The following PIEZO2 variants were observed in gnomAD, a reference collection of about 807,000 sequenced individuals.
PIEZO2 encodes piezo type mechanosensitive ion channel component 2, also known as piezo-type mechanosensitive ion channel component 2.
In PIEZO2, 172 loss-of-function variants were observed where a neutral mutation model predicts 337.3. That is an observed-to-expected ratio of 0.51 (90% CI 0.45 to 0.58). The LOEUF is 0.58. Among genes scored for constraint, PIEZO2 ranks in the 20% least tolerant of loss-of-function variants. The probability of loss-of-function intolerance (pLI) is 0.00; values close to 1 mark genes in which losing one functional copy is unlikely to be tolerated. For synonymous variants in PIEZO2, 1,251 were observed against 1,228.5 expected (o/e 1.02, Z -0.38); for missense variants, 3,028 against 3,391.3 (o/e 0.89, Z 2.66).
At chr18:10,883,220 A>G (rs912918326) in intron 4 of PIEZO2, among the ~76,000 whole-genome samples, 2 of 152,174 alleles carry the variant, frequency 1.3e-5, no homozygotes, top group South Asian at 2.1e-4. Context: ...TAGTGCTGAA[A>G]TAAACAAGGG....
intron 4 of PIEZO2, among the ~76,000 whole-genome samples, chr18:10,889,282 T>C (rs1039801613): frequency 1.3e-5 from 2 of 152,184 alleles, no homozygotes; most frequent in East Asian, 1.9e-4. Context: ...ATGTTCAAGA[T>C]AAGGAAAATA....
chr18:11,147,337 G>A (rs1360897274), intron 1 of PIEZO2, among the ~76,000 whole-genome samples: 2 of 152,140 alleles, frequency 1.3e-5, no homozygotes, highest in African/African-American at 4.8e-5. Context: ...GCCTTTCTGG[G>A]TTTTCCGCTG....
At chr18:10,698,520 C>A (rs2035197800) in intron 44 of PIEZO2, among the ~76,000 whole-genome samples, 1 of 152,172 alleles carries the variant, frequency 6.6e-6, no homozygotes, top group Admixed American at 6.5e-5. Context: ...AGGAAATAAC[C>A]ATAGTTTGGC....
At chr18:11,041,305 A>G (rs893683225) in intron 2 of PIEZO2, among the ~76,000 whole-genome samples, 1 of 152,230 alleles carries the variant, frequency 6.6e-6, no homozygotes, top group Non-Finnish European at 1.5e-5. Flanking sequence ...TACATAATTC[A>G]CAAGTTCCCA....
At chr18:10,757,392 G>T (rs2037916220) in intron 27 of PIEZO2, among the ~76,000 whole-genome samples, 1 of 149,626 alleles carries the variant, frequency 6.7e-6, no homozygotes, top group African/African-American at 2.5e-5. Flanking sequence ...GAGAGATGGG[G>T]GATGAGAATA....
chr18:11,025,150 A>G (rs2145733595), intron 2 of PIEZO2, among the ~76,000 whole-genome samples: 1 of 152,178 alleles, frequency 6.6e-6, no homozygotes, highest in Admixed American at 6.5e-5. Flanking sequence ...TTTACTTCAG[A>G]GTGATGAGCC....
chr18:10,769,495 C>T (rs2865125), intron 21 of PIEZO2, among the ~76,000 whole-genome samples: 128,512 of 152,276 alleles, frequency 0.84, 54,311 homozygotes, highest in East Asian at 0.93. Flanking sequence ...AGGCAGTACT[C>T]CCTTGATTAA....
At position 10,713,912 on chromosome 18, in the gene PIEZO2, A is replaced by G. The variant is rs1598390034; in HGVS notation, c.5423+852T>C. On this transcript the variant is annotated intron_variant, in intron 39 of 55. Coordinates refer to ENST00000674853, the MANE Select transcript of PIEZO2 (RefSeq NM_001378183.1). This position sits in a 1 kb window ranked among gnomAD's most constrained non-coding sequence, Gnocchi z 4.5. ...TAGCTCTGTACAATTGTTATCAGCTATCTAGAACACTGTGATGCAAAGAAT... is the reference window on the plus strand; with the variant it reads ...TAGCTCTGTACAATTGTTATCAGCTGTCTAGAACACTGTGATGCAAAGAAT... 6.6e-6 allele frequency among the ~76,000 whole-genome samples: 1 copy of G among 151,178 alleles called. No homozygotes were observed. Among genetic ancestry groups the G allele is most frequent in the African/African-American group, 2.4e-5 (1 of 40,908 alleles).
rs558953028 is a variant in PIEZO2, at chr18:10,929,270, G to T, written c.287-18042C>A. On this transcript the variant is annotated intron_variant, in intron 3 of 55. Transcript: ENST00000674853. This position sits in a 1 kb window ranked among gnomAD's most constrained non-coding sequence, Gnocchi z 5.6. The stretch of plus-strand genomic sequence containing the variant: ...AAGAAAAGAAATTAAAAGTGTGAGC[G>T]AGCTGCAAACGTGCACGCATCATAT... 2.6e-4 allele frequency among the ~76,000 whole-genome samples: 40 copies of T among 152,122 alleles called. No homozygotes were observed. Among genetic ancestry groups the T allele is most frequent in the Non-Finnish European group, 5.0e-4 (34 of 68,012 alleles).
chr18:10,682,382 G>C lies in PIEZO2; in HGVS notation c.7498-90C>G. 1 of 1,149,234 alleles carries C rather than the reference G, an allele frequency of 8.7e-7. No individual in the cohort carries two copies. The highest frequency in any genetic ancestry group is 1.5e-5 in the South Asian group (1 of 65,726). The allele number at this position is 1,149,234 out of a possible 1,614,324, so 71.2% of individuals were successfully genotyped here. A position where few individuals can be genotyped will look rare whatever the true frequency, so the allele number is the denominator to read the frequency against. On this transcript the variant is annotated intron_variant, in intron 49 of 55. Transcript: ENST00000674853. The surrounding 1 kb of genome is among the most constrained non-coding windows in gnomAD (Gnocchi z 5.6). ...TTGGGGGAGAGCGAGTGCTCTTCCT[G>C]TGGTGCTGGGAACATGGATTTGGCC...
chr18:11,051,733 G>A (rs570889597), intron 2 of PIEZO2, among the ~76,000 whole-genome samples: 140 of 152,324 alleles, frequency 9.2e-4, no homozygotes, highest in Middle Eastern at 3.4e-3. Context: ...ATATCAGAAC[G>A]ATCAATTATT....
At chr18:10,742,463 A>T in intron 32 of PIEZO2, 31 bp downstream of exon 32, 1 of 1,535,750 alleles carries the variant, frequency 6.5e-7, no homozygotes, top group Non-Finnish European at 8.7e-7. Context: ...CAATGTTAAA[A>T]CTTGAATAAG....
In PIEZO2 at chr18:11,083,337, G is replaced by A. The variant is rs1479444184; in HGVS notation, c.65-17115C>T. On this transcript the variant is annotated intron_variant, in intron 1 of 55. Coordinates refer to ENST00000674853, the MANE Select transcript of PIEZO2 (RefSeq NM_001378183.1). The surrounding 1 kb of genome is among the most constrained non-coding windows in gnomAD (Gnocchi z 4.4). ...ATATTTGTATTCACTTAGAGGCCAG[G>A]ATCAGAATTTCTCTCAGAAGAGGAA... Among the ~76,000 whole-genome samples, 2 of 152,210 alleles carry A rather than the reference G, an allele frequency of 1.3e-5. No individual in the cohort carries two copies. Among genetic ancestry groups the A allele is most frequent in the Non-Finnish European group, 2.9e-5 (2 of 68,034 alleles).
Position 10,855,309 on chromosome 18 carries a change from G to T in PIEZO2, c.917+44C>A. ...TGCCAAACCAAGGTCCCAAAGGCGTGGGGGGACAACCTCTCCTGGAAATGC... is the reference window on the plus strand; with the variant it reads ...TGCCAAACCAAGGTCCCAAAGGCGTTGGGGGACAACCTCTCCTGGAAATGC... On this transcript the variant is annotated intron_variant, in intron 7 of 55. Coordinates refer to ENST00000674853, the MANE Select transcript of PIEZO2 (RefSeq NM_001378183.1). This position sits in a 1 kb window ranked among gnomAD's most constrained non-coding sequence, Gnocchi z 4.9. The T allele has an allele frequency of 2.7e-6, 4 of 1,469,230 alleles. No individual in the cohort carries two copies. The highest frequency in any genetic ancestry group is 9.2e-7 in the Non-Finnish European group (1 of 1,086,044). 91.0% of individuals were successfully genotyped at this position (1,469,230 alleles called of 1,614,324 possible). A position where few individuals can be genotyped will look rare whatever the true frequency, so the allele number is the denominator to read the frequency against.
intron 39 of PIEZO2, among the ~76,000 whole-genome samples, chr18:10,712,130 A>G (rs1289822896): frequency 6.6e-6 from 1 of 152,248 alleles, no homozygotes; most frequent in Non-Finnish European, 1.5e-5. Flanking sequence ...AGAAATGTTT[A>G]GATTCCCCAA....
intron 33 of PIEZO2, chr18:10,737,610 A>G (rs182334775): frequency 1.3e-5 from 2 of 152,248 alleles, no homozygotes; most frequent in Non-Finnish European, 2.9e-5. Flanking sequence ...CTTTCCCTGC[A>G]AGAACATAAT....
At chr18:10,786,877 A>G (rs1340148550) in intron 16 of PIEZO2, among the ~76,000 whole-genome samples, 159 bp downstream of exon 16, 3 of 152,246 alleles carry the variant, frequency 2.0e-5, no homozygotes, top group Admixed American at 6.5e-5. Flanking sequence ...AGGGCTAAGT[A>G]AAGAGAACAC....
At chr18:11,007,588 T>C in intron 2 of PIEZO2, among the ~76,000 whole-genome samples, 1 of 152,186 alleles carries the variant, frequency 6.6e-6, no homozygotes, top group East Asian at 1.9e-4. Flanking sequence ...ACTGAAAGTC[T>C]TAAGATGGAG....
rs2039344137 is a variant in PIEZO2 at position 11,099,245 on chromosome 18, T to C, written c.65-33023A>G. The stretch of plus-strand genomic sequence containing the variant: ...CTCTGCACATTTGTGCCAGTATTTC[T>C]GTAGGTTAACATATTAATGGATCAT... On this transcript the variant is annotated intron_variant, in intron 1 of 55. Transcript: ENST00000674853. This position sits in a 1 kb window ranked among gnomAD's most constrained non-coding sequence, Gnocchi z 5.4. Among the ~76,000 whole-genome samples, 2 of 152,376 alleles carry C rather than the reference T, an allele frequency of 1.3e-5. No homozygotes were observed. Among genetic ancestry groups the C allele is most frequent in the East Asian group, 3.9e-4 (2 of 5,190 alleles).
Sources: allele counts gnomAD v4.1 joint callset (sites outside exome capture counted in the v4.1 genomes callset), GRCh38; gene constraint gnomAD v4.1.1; non-coding constraint Gnocchi (gnomAD v3.1); transcripts MANE v1.5; gene names NCBI Gene and HGNC (gene_info 2026-07-23, HGNC 2026-07-21).